The following GTPBP4 variants were observed in gnomAD, a reference collection of about 807,000 sequenced individuals.
The protein encoded by GTPBP4 is GTP binding protein 4.
GTPBP4 carries 15 observed loss-of-function variants against 81.7 expected under a neutral mutation model. That is an observed-to-expected ratio of 0.18 (90% CI 0.12 to 0.28). GTPBP4 has a LOEUF of 0.28. Among genes scored for constraint, GTPBP4 ranks in the 10% least tolerant of loss-of-function variants. GTPBP4 has a pLI of 1.00. For synonymous variants in GTPBP4, 272 were observed against 274.6 expected, an observed-to-expected ratio of 0.99 and a Z score of 0.09; for missense variants, 847 against 793.8, an observed-to-expected ratio of 1.07 and a Z score of -0.81.
chr10:997,029 G>T (rs1209272799), intron 4 of GTPBP4, 179 bp from the exon 5 acceptor site: 5 of 587,186 alleles, frequency 8.5e-6, no homozygotes, highest in Non-Finnish European at 1.5e-5. Context: ...GATAGCAATT[G>T]AATATACTAT....
At chr10:997,987 T>A (rs1321467023) in intron 5 of GTPBP4, among the ~76,000 whole-genome samples, 2 of 152,210 alleles carry the variant, frequency 1.3e-5, no homozygotes, top group Non-Finnish European at 2.9e-5. Context: ...ATTTAAAATG[T>A]GAATTTACAA....
At chr10:1,010,285 A>G (rs1014870636) in intron 12 of GTPBP4, 135 bp from the exon 13 acceptor site, 10 of 624,780 alleles carry the variant, frequency 1.6e-5, no homozygotes, top group African/African-American at 3.7e-5. Flanking sequence ...ATGCTGCTGC[A>G]TGTGGAATTG....
intron 14 of GTPBP4, among the ~76,000 whole-genome samples, chr10:1,013,634 A>C (rs902098386): frequency 6.6e-6 from 1 of 152,154 alleles, no homozygotes; most frequent in African/African-American, 2.4e-5. Context: ...TTAAAAAAAA[A>C]TCTGGACTCT....
At chr10:1,016,429 CACA>C (rs1451771100) in intron 16 of GTPBP4, among the ~76,000 whole-genome samples, 1 of 152,248 alleles carries the variant, frequency 6.6e-6, no homozygotes, top group Non-Finnish European at 1.5e-5. Context: ...TTTTATTAAA[CACA>C]ACAACTTTTA....
intron 8 of GTPBP4, among the ~76,000 whole-genome samples, chr10:1,005,360 T>C (rs1402409856): frequency 6.6e-6 from 1 of 152,104 alleles, no homozygotes; most frequent in Non-Finnish European, 1.5e-5. Context: ...TTAGCCAGGG[T>C]GACCTTGACC....
chr10:1,019,562 A>T lies in GTPBP4; in HGVS notation c.*2335A>T. 6.2e-7 allele frequency: 1 copy of T among 1,613,774 alleles called. No individual in the cohort carries two copies. Among genetic ancestry groups the T allele is most frequent in the Non-Finnish European group, 8.5e-7 (1 of 1,179,926 alleles). ...GAAGCTCCACAAACGGGGTCACGTC[A>T]TCCAGGTGAGGCCACCACCGGTACA... On this transcript the variant is annotated 3_prime_UTR_variant, in exon 17 of 17. Transcript: ENST00000360803.
In GTPBP4 at chr10:1,009,014, T is replaced by G. The variant is rs1473698154; in HGVS notation, c.1170T>G (p.Thr390=). ...GVVARRKRME[T]EESRKKRERD... is the part of the protein sequence containing the mutation. ...TGGCTCGCAGGAAGAGGATGGAAAC[T>G]GAGGAGTCCAGGAAGAAGAGGGTAT... The change falls in exon 11 of 17, where the codon ACT becomes ACG. Residue 390 remains threonine (T), a synonymous_variant. Transcript: ENST00000360803. 6.2e-7 allele frequency: 1 copy of G among 1,612,230 alleles called. No individual in the cohort carries two copies. Among genetic ancestry groups the G allele is most frequent in the Non-Finnish European group, 8.5e-7 (1 of 1,178,248 alleles).
At chr10:991,938 G>C (rs10904594) in intron 1 of GTPBP4, among the ~76,000 whole-genome samples, 6 of 146,476 alleles carry the variant, frequency 4.1e-5, no homozygotes, top group Non-Finnish European at 7.6e-5. Flanking sequence ...CTCGTGATCC[G>C]CCCGCCTCAG....
intron 1 of GTPBP4, among the ~76,000 whole-genome samples, 158 bp from the exon 2 acceptor site, chr10:992,331 C>T (rs1453319221): frequency 6.8e-6 from 1 of 146,228 alleles, no homozygotes; most frequent in Non-Finnish European, 1.5e-5. Context: ...ACCTGGGAGG[C>T]GGAGCTTGCA....
In GTPBP4 at chr10:997,328, T is replaced by A; in HGVS notation, c.561+20T>A. 1.6e-6 allele frequency: 2 copies of A among 1,284,586 alleles called. No individual in the cohort carries two copies. Among genetic ancestry groups the A allele is most frequent in the Non-Finnish European group, 2.3e-6 (2 of 878,890 alleles). The allele number at this position is 1,284,586 out of a possible 1,614,324, so 79.6% of individuals were successfully genotyped here. On this transcript the variant is annotated intron_variant, in intron 5 of 16. Transcript: ENST00000360803. ...AACAAGGTTGGTCTGGTTTTTATCG[T>A]AAAGCAAATCATCTGACTATTTTAC...
At chr10:990,846 G>A (rs1589021287) in intron 1 of GTPBP4, among the ~76,000 whole-genome samples, 2 of 150,970 alleles carry the variant, frequency 1.3e-5, no homozygotes, top group Admixed American at 6.6e-5. Context: ...GTGGTTAGCT[G>A]TGGTAAGTTG....
chr10:992,689 T>G, intron 2 of GTPBP4, 30 bp downstream of exon 2: 3 of 1,407,900 alleles, frequency 2.1e-6, no homozygotes, highest in African/African-American at 1.4e-5. Flanking sequence ...TCTGTGGTTA[T>G]GTAAATACGG....
chr10:1,004,330 T>G (rs538203830), intron 8 of GTPBP4, among the ~76,000 whole-genome samples: 1 of 151,438 alleles, frequency 6.6e-6, no homozygotes, highest in East Asian at 2.0e-4. Context: ...CTGGAAAGAG[T>G]GGTGACTCTG....
chr10:995,875 G>C, intron 2 of GTPBP4, 54 bp from the exon 3 acceptor site: 1 of 979,196 alleles, frequency 1.0e-6, no homozygotes, highest in Non-Finnish European at 1.6e-6. Context: ...TCAAGTGGTA[G>C]GGATGAAAAA....
chr10:1,008,807 C>T, intron 10 of GTPBP4, 151 bp from the exon 11 acceptor site: 2 of 696,280 alleles, frequency 2.9e-6, no homozygotes, highest in Non-Finnish European at 5.3e-6. Context: ...ACCCACTCCT[C>T]TCCCCTAAAA....
Position 1,018,514 on chromosome 10 carries a change from A to G in GTPBP4, c.*1287A>G, listed in dbSNP as rs1314067394. On this transcript the variant is annotated 3_prime_UTR_variant, in exon 17 of 17. Transcript: ENST00000360803. Reference sequence around the variant, plus strand: ...TAACATATAGTTTACTTTGTGTTAAACAACAACAGTATGGCCGGGCGCGGC... The same window carrying G: ...TAACATATAGTTTACTTTGTGTTAAGCAACAACAGTATGGCCGGGCGCGGC... 6.6e-6 allele frequency: 1 copy of G among 151,102 alleles called. No homozygotes were observed. Among genetic ancestry groups the G allele is most frequent in the Non-Finnish European group, 1.5e-5 (1 of 67,844 alleles). The allele number at this position is 151,102 out of a possible 1,614,324, so 9.4% of individuals were successfully genotyped here. A position where few individuals can be genotyped will look rare whatever the true frequency, so the allele number is the denominator to read the frequency against.
chr10:1,007,100 T>C lies in GTPBP4; in HGVS notation c.1085T>C (p.Leu362Pro), dbSNP rs749528409. ...AATGAGGTGCTGAATAGACTGCACC[T>C]GGCTATCCCAACCAGGAGGGACGAT... ...KVNEVLNRLH[L>P]AIPTRRDDKE... The change falls in exon 10 of 17, where the codon CTG (leucine) becomes CCG (proline). Residue 362 changes from leucine (L) to proline (P), a missense_variant. Transcript: ENST00000360803. 6.2e-7 allele frequency: 1 copy of C among 1,608,064 alleles called. No homozygotes were observed. The highest frequency in any genetic ancestry group is 8.5e-7 in the Non-Finnish European group (1 of 1,174,412).
intron 10 of GTPBP4, chr10:1,008,455 T>C (rs1831791306): frequency 6.1e-6 from 2 of 330,310 alleles, no homozygotes; most frequent in Non-Finnish European, 1.2e-5. Flanking sequence ...CTTTTTTGGA[T>C]AGTCTTCACC....
At chr10:1,005,790 ATC>A (rs760984821) in intron 8 of GTPBP4, 26 bp from the exon 9 acceptor site, 17 of 1,241,448 alleles carry the variant, frequency 1.4e-5, no homozygotes, top group Admixed American at 6.7e-5. Context: ...TGAATAATAC[ATC>A]TCTCGTTTTT....
Sources: allele counts gnomAD v4.1 joint callset (sites outside exome capture counted in the v4.1 genomes callset), GRCh38; gene constraint gnomAD v4.1.1; transcripts MANE v1.5; gene names NCBI Gene and HGNC (gene_info 2026-07-23, HGNC 2026-07-21).